The following RAPGEF6 variants were observed in gnomAD, a reference collection of about 807,000 sequenced individuals.
RAPGEF6 encodes Rap guanine nucleotide exchange factor 6, also known as PDZ domain containing guanine nucleotide exchange factor (GEF) 2.
In RAPGEF6, 56 loss-of-function variants were observed where a neutral mutation model predicts 171.4. That is an observed-to-expected ratio of 0.33 (90% CI 0.26 to 0.41). The LOEUF (loss-of-function observed/expected upper bound fraction) is 0.41. RAPGEF6 is among the 10% of genes least tolerant of loss of function. RAPGEF6 has a pLI of 1.00. For synonymous variants in RAPGEF6, 692 were observed against 650.1 expected (o/e 1.06, Z -0.98); for missense variants, 1,674 against 1,921.4 (o/e 0.87, Z 2.41).
At chr5:131,609,668 C>A (rs1764826048) in intron 1 of RAPGEF6, among the ~76,000 whole-genome samples, 1 of 152,160 alleles carries the variant, frequency 6.6e-6, no homozygotes, top group South Asian at 2.1e-4. Flanking sequence ...CAGAGACCAA[C>A]CGTATGAGTT....
At chr5:131,506,608 T>TACC (rs1033988220) in intron 9 of RAPGEF6, among the ~76,000 whole-genome samples, 1 of 152,164 alleles carries the variant, frequency 6.6e-6, no homozygotes, top group African/African-American at 2.4e-5. Context: ...TTCAAAAGTA[T>TACC]ACCTTTATTA....
At chr5:131,584,213 T>G (rs1264370982) in intron 4 of RAPGEF6, among the ~76,000 whole-genome samples, 2 of 152,206 alleles carry the variant, frequency 1.3e-5, no homozygotes, top group Non-Finnish European at 2.9e-5. Flanking sequence ...CAATAAAGTT[T>G]TAAAAATAAA....
chr5:131,499,437 T>G (rs1364462755), intron 11 of RAPGEF6, among the ~76,000 whole-genome samples: 2 of 151,674 alleles, frequency 1.3e-5, no homozygotes, highest in Non-Finnish European at 2.9e-5. Flanking sequence ...AAAAATTGGC[T>G]GGGTGTGGTG....
intron 19 of RAPGEF6, among the ~76,000 whole-genome samples, chr5:131,459,393 G>A (rs544186871): frequency 2.4e-4 from 36 of 152,204 alleles, no homozygotes; most frequent in African/African-American, 7.9e-4. Flanking sequence ...TATTAGGTAG[G>A]AACTACCAGG....
At chr5:131,513,065 C>T (rs1757845487) in intron 7 of RAPGEF6, among the ~76,000 whole-genome samples, 1 of 152,138 alleles carries the variant, frequency 6.6e-6, no homozygotes, top group Non-Finnish European at 1.5e-5. Context: ...GACTAGTACG[C>T]TCTGAGTTGT....
chr5:131,526,923 G>T (rs1221165869), intron 6 of RAPGEF6, among the ~76,000 whole-genome samples: 1 of 152,094 alleles, frequency 6.6e-6, no homozygotes, highest in Non-Finnish European at 1.5e-5. Flanking sequence ...AAAGTCTGCT[G>T]AATACTTTGT....
intron 23 of RAPGEF6, among the ~76,000 whole-genome samples, chr5:131,441,891 GAAAA>G (rs917891905): frequency 1.3e-5 from 2 of 150,528 alleles, no homozygotes; most frequent in African/African-American, 4.9e-5. Flanking sequence ...TGGCCTAACA[GAAAA>G]AAAAAGTGTG....
chr5:131,445,622 G>T (rs1752641828), intron 22 of RAPGEF6, among the ~76,000 whole-genome samples: 1 of 151,942 alleles, frequency 6.6e-6, no homozygotes, highest in African/African-American at 2.4e-5. Flanking sequence ...TCACTTTGTT[G>T]CCCAGGGTGG....
chr5:131,439,474 T>C (rs765152655), intron 24 of RAPGEF6, 107 bp downstream of exon 24: 17 of 1,445,506 alleles, frequency 1.2e-5, no homozygotes, highest in South Asian at 1.5e-5. Context: ...TTAGGAGTTA[T>C]GCTTTTCTTA....
At chr5:131,508,770 C>T (rs749574145) in intron 8 of RAPGEF6, among the ~76,000 whole-genome samples, 1 of 152,112 alleles carries the variant, frequency 6.6e-6, no homozygotes, top group African/African-American at 2.4e-5. Context: ...ATAAGAAACA[C>T]ATATAAGCAG....
At chr5:131,546,957 T>C (rs992853271) in intron 6 of RAPGEF6, among the ~76,000 whole-genome samples, 7 of 152,174 alleles carry the variant, frequency 4.6e-5, no homozygotes, top group African/African-American at 1.7e-4. Flanking sequence ...ACTTACACAG[T>C]AAAGCAAAAT....
At position 131,469,658 on chromosome 5, in the gene RAPGEF6, A is replaced by G. The variant is rs889473390; in HGVS notation, c.2239+2929T>C. 1.3e-5 allele frequency: 7 copies of G among 545,834 alleles called. No individual in the cohort carries two copies. In the African/African-American group the frequency reaches 1.3e-4, roughly 10 times the overall value. The allele number at this position is 545,834 out of a possible 1,614,324, so 33.8% of individuals were successfully genotyped here. A position where few individuals can be genotyped will look rare whatever the true frequency, so the allele number is the denominator to read the frequency against. Reference sequence around the variant, plus strand: ...AAAAATGACTAAAAAGACACATGCCAGTTAATACTGGCTACCTTCTAAGTG... The same window carrying G: ...AAAAATGACTAAAAAGACACATGCCGGTTAATACTGGCTACCTTCTAAGTG... On this transcript the variant is annotated intron_variant, in intron 17 of 27. Coordinates refer to ENST00000509018, the MANE Select transcript of RAPGEF6 (RefSeq NM_016340.6).
chr5:131,619,570 T>G (rs769949518), intron 1 of RAPGEF6, among the ~76,000 whole-genome samples: 4 of 152,256 alleles, frequency 2.6e-5, no homozygotes, highest in Admixed American at 6.5e-5. Context: ...AATTACAACG[T>G]ATCAAAAGAT....
At chr5:131,576,990 G>A (rs957255448) in intron 4 of RAPGEF6, among the ~76,000 whole-genome samples, 3 of 152,068 alleles carry the variant, frequency 2.0e-5, no homozygotes, top group Non-Finnish European at 4.4e-5. Context: ...CAAGCTCGAG[G>A]ATCTGCCCCC....
chr5:131,564,119 C>A (rs1389845853), intron 4 of RAPGEF6, among the ~76,000 whole-genome samples: 1 of 152,162 alleles, frequency 6.6e-6, no homozygotes, highest in Non-Finnish European at 1.5e-5. Flanking sequence ...CACAGCCTGA[C>A]AATTTCGCTG....
At position 131,434,995 on chromosome 5, in the gene RAPGEF6, TACAG is replaced by T. The variant is rs1324234809; in HGVS notation, c.3746-1341_3746-1338del. 3.3e-5 allele frequency among the ~76,000 whole-genome samples: 5 copies of T among 152,330 alleles called. No individual in the cohort carries two copies. In the East Asian group the frequency reaches 9.7e-4, roughly 29 times the overall value. On this transcript the variant is annotated intron_variant, in intron 24 of 27. Coordinates refer to ENST00000509018, the MANE Select transcript of RAPGEF6 (RefSeq NM_016340.6). ...ACCTAGAAATGTCATTAGGAAGAAT[TACAG>T]GCTTTGGGTATGTTACTGGAATTCT...
chr5:131,548,335 C>G (rs186055160), intron 5 of RAPGEF6, 145 bp from the exon 6 acceptor site: 1 of 728,828 alleles, frequency 1.4e-6, no homozygotes, highest in Non-Finnish European at 2.2e-6. Flanking sequence ...TAGCACAACG[C>G]TCATGAGTTA....
chr5:131,495,509 G>A, intron 13 of RAPGEF6, 44 bp downstream of exon 13: 1 of 1,476,232 alleles, frequency 6.8e-7, no homozygotes, highest in Non-Finnish European at 9.4e-7. Context: ...GTGTTGAGGG[G>A]GGACCACTAC....
At chr5:131,568,597 G>C (rs1039612726) in intron 4 of RAPGEF6, among the ~76,000 whole-genome samples, 1 of 152,078 alleles carries the variant, frequency 6.6e-6, no homozygotes, top group African/African-American at 2.4e-5. Flanking sequence ...GGTATTACAG[G>C]CATGAGCCAC....
Sources: gnomAD v4.1 joint callset for allele counts (sites outside exome capture counted in the v4.1 genomes callset) on GRCh38, gnomAD v4.1.1 for gene constraint, MANE v1.5 for transcripts, NCBI Gene and HGNC (gene_info 2026-07-23, HGNC 2026-07-21) for gene names.